The following ZFAND6 variants were observed in gnomAD, a reference collection of about 807,000 sequenced individuals.
The protein encoded by ZFAND6 is AN1-type zinc finger protein 6.
ZFAND6 carries 12 observed loss-of-function variants against 24.5 expected under a neutral mutation model. The observed-to-expected ratio is 0.49, with a 90% CI of 0.31 to 0.79. ZFAND6 has a LOEUF of 0.79. Among genes scored for constraint, ZFAND6 ranks in the 30% least tolerant of loss-of-function variants. ZFAND6 has a pLI of 0.04. For synonymous variants in ZFAND6, 92 were observed against 81.5 expected, an observed-to-expected ratio of 1.13 and a Z score of -0.69; for missense variants, 207 against 245.9, an observed-to-expected ratio of 0.84 and a Z score of 1.06.
At chr15:80,109,848 A>G (rs2039519513) in intron 2 of ZFAND6, among the ~76,000 whole-genome samples, 1 of 152,240 alleles carries the variant, frequency 6.6e-6, no homozygotes, top group African/African-American at 2.4e-5. Context: ...GGCTTAAACA[A>G]CAAATATTTA....
chr15:80,086,693 GTT>G (rs1191761708), intron 1 of ZFAND6, among the ~76,000 whole-genome samples: 1 of 149,440 alleles, frequency 6.7e-6, no homozygotes, highest in Non-Finnish European at 1.5e-5. Flanking sequence ...CATTTAAACT[GTT>G]TTTAAATAGA....
chr15:80,114,150 C>A (rs959203105), intron 2 of ZFAND6, among the ~76,000 whole-genome samples: 1 of 152,124 alleles, frequency 6.6e-6, no homozygotes, highest in Non-Finnish European at 1.5e-5. Context: ...TGAAATTTTG[C>A]TATGTGCCAC....
intron 1 of ZFAND6, among the ~76,000 whole-genome samples, chr15:80,093,089 G>A (rs1028092122): frequency 1.3e-5 from 2 of 151,692 alleles, no homozygotes; most frequent in South Asian, 4.2e-4. Flanking sequence ...CGAGTAGCTG[G>A]GATTACAGAT....
At chr15:80,122,426 T>G (rs1398919752) in intron 4 of ZFAND6, among the ~76,000 whole-genome samples, 1 of 151,294 alleles carries the variant, frequency 6.6e-6, no homozygotes, top group East Asian at 2.0e-4. Context: ...AAGCATGTCT[T>G]TATCATGCTA....
At chr15:80,117,253 C>T (rs1184078636) in intron 2 of ZFAND6, among the ~76,000 whole-genome samples, 3 of 150,948 alleles carry the variant, frequency 2.0e-5, no homozygotes, top group African/African-American at 4.9e-5. Context: ...GACGGAGTCT[C>T]GCTCTGTTGC....
intron 3 of ZFAND6, among the ~76,000 whole-genome samples, chr15:80,121,133 G>A (rs931662607): frequency 5.9e-5 from 9 of 152,102 alleles, no homozygotes; most frequent in Non-Finnish European, 1.3e-4. Flanking sequence ...GTAGGTTAAT[G>A]CCTGCATGTA....
chr15:80,071,255 T>C (rs1333325603), intron 1 of ZFAND6, among the ~76,000 whole-genome samples: 2 of 152,238 alleles, frequency 1.3e-5, no homozygotes, highest in African/African-American at 4.8e-5. Flanking sequence ...TTTTGAACTT[T>C]GAAAACTTCA....
chr15:80,088,236 C>A (rs990921295), intron 1 of ZFAND6, among the ~76,000 whole-genome samples: 2 of 152,190 alleles, frequency 1.3e-5, no homozygotes, highest in East Asian at 1.9e-4. Context: ...TAACCCTCTA[C>A]CATTTTTCTG....
At chr15:80,102,984 T>C (rs1426620446) in intron 2 of ZFAND6, among the ~76,000 whole-genome samples, 1 of 152,244 alleles carries the variant, frequency 6.6e-6, no homozygotes, top group Non-Finnish European at 1.5e-5. Flanking sequence ...TTTATGTGTG[T>C]GCTATTCTGT....
intron 1 of ZFAND6, among the ~76,000 whole-genome samples, chr15:80,078,826 T>C (rs1389620618): frequency 6.6e-6 from 1 of 152,188 alleles, no homozygotes; most frequent in Non-Finnish European, 1.5e-5. Context: ...ATGTTGAGCA[T>C]TTTTTCATGT....
At position 80,137,516 on chromosome 15, in the gene ZFAND6, T is replaced by G; in HGVS notation, c.515T>G (p.Val172Gly). Reference sequence around the variant, plus strand: ...CGGTGTGGAAATGTTTACTGTGGTGTACACCGTTACTCAGATGTACACAAT... The same window carrying G: ...CGGTGTGGAAATGTTTACTGTGGTGGACACCGTTACTCAGATGTACACAAT... ...ECRCGNVYCG[V>G]HRYSDVHNCS... is the part of the protein sequence containing the mutation. The change falls in exon 7 of 7, where the codon GTA becomes GGA. Residue 172 changes from valine to glycine, a missense_variant. Coordinates refer to ENST00000261749, the MANE Select transcript of ZFAND6 (RefSeq NM_019006.4). 6.2e-7 allele frequency: 1 copy of G among 1,606,958 alleles called. No homozygotes were observed. The highest frequency in any genetic ancestry group is 1.1e-5 in the South Asian group (1 of 89,250).
intron 2 of ZFAND6, among the ~76,000 whole-genome samples, chr15:80,111,752 T>C (rs1267393934): frequency 6.6e-6 from 1 of 152,210 alleles, no homozygotes; most frequent in Non-Finnish European, 1.5e-5. Flanking sequence ...AAACGTGTAT[T>C]TTTTCTTCTC....
At chr15:80,122,622 T>C (rs993304962) in intron 4 of ZFAND6, 78 bp from the exon 5 acceptor site, 10 of 893,768 alleles carry the variant, frequency 1.1e-5, no homozygotes, top group Non-Finnish European at 1.8e-5. Context: ...TTAGATATGT[T>C]GAACTCTTAC....
intron 5 of ZFAND6, chr15:80,130,178 G>A (rs1025905541): frequency 2.6e-5 from 4 of 152,198 alleles, no homozygotes; most frequent in African/African-American, 7.2e-5. Context: ...GAGGTGCCCA[G>A]TATTTGGAAA....
chr15:80,069,059 T>C (rs2036825980), intron 1 of ZFAND6, among the ~76,000 whole-genome samples: 1 of 152,248 alleles, frequency 6.6e-6, no homozygotes, highest in African/African-American at 2.4e-5. Flanking sequence ...TGAGAAAAGC[T>C]CTTTCAGTAA....
chr15:80,132,926 T>TG, intron 6 of ZFAND6, among the ~76,000 whole-genome samples: 1 of 143,950 alleles, frequency 6.9e-6, no homozygotes, highest in East Asian at 1.9e-4. Context: ...ATGAATTCAG[T>TG]GTAAGGACTA....
rs1339962028 is a variant in ZFAND6 at position 80,103,928 on chromosome 15, A to G, written c.-18+5350A>G. ...TAGTGGTGTGATCTCAGCTCACTGC[A>G]GCCTCAATTTCCTAGGCTCAGACGG... On this transcript the variant is annotated intron_variant, in intron 2 of 6. Coordinates refer to ENST00000261749, the MANE Select transcript of ZFAND6 (RefSeq NM_019006.4). Among the ~76,000 whole-genome samples the G allele has an allele frequency of 2.6e-5, 4 of 152,096 alleles. No individual in the cohort carries two copies. In the East Asian group the frequency reaches 7.7e-4, roughly 29 times the overall value.
At chr15:80,079,116 ATTAT>A (rs1215419119) in intron 1 of ZFAND6, among the ~76,000 whole-genome samples, 1 of 142,512 alleles carries the variant, frequency 7.0e-6, no homozygotes, top group Non-Finnish European at 1.5e-5. Flanking sequence ...TTTTAATGGG[ATTAT>A]TTGTTTCTTG....
intron 2 of ZFAND6, among the ~76,000 whole-genome samples, chr15:80,099,501 T>G (rs2038916300): frequency 6.6e-6 from 1 of 152,172 alleles, no homozygotes; most frequent in African/African-American, 2.4e-5. Context: ...TGAAATTACT[T>G]TCTCTTTCAT....
Sources: allele counts gnomAD v4.1 joint callset (sites outside exome capture counted in the v4.1 genomes callset), GRCh38; gene constraint gnomAD v4.1.1; transcripts MANE v1.5; gene names NCBI Gene and HGNC (gene_info 2026-07-23, HGNC 2026-07-21).